CTIF: variants seen among roughly 807,000 people sequenced by gnomAD.
The protein encoded by CTIF is cap binding complex dependent translation initiation factor, also known as CBP80/20-dependent translation initiation factor.
Under a neutral mutation model 66.0 loss-of-function variants are expected in CTIF, and 21 were observed. The ratio of observed to expected loss-of-function variants is 0.32; its 90% CI spans 0.23 to 0.46. The LOEUF (loss-of-function observed/expected upper bound fraction) is 0.46, where lower values mean the gene tolerates loss of function less well. Ranked by LOEUF, CTIF falls within the 20% of genes least tolerant of loss-of-function variation. CTIF has a pLI of 1.00. For synonymous variants in CTIF, 345 were observed against 326.4 expected, an observed-to-expected ratio of 1.06 and a Z score of -0.62; for missense variants, 739 against 812.7, an observed-to-expected ratio of 0.91 and a Z score of 1.10.
chr18:48,685,269 C>A (rs1343285850), intron 6 of CTIF, among the ~76,000 whole-genome samples: 2 of 151,894 alleles, frequency 1.3e-5, no homozygotes, highest in Non-Finnish European at 1.5e-5. Flanking sequence ...GTCACCCAGG[C>A]TGGAGTGCAA....
intron 6 of CTIF, among the ~76,000 whole-genome samples, chr18:48,691,076 A>G (rs1008776211): frequency 6.6e-6 from 1 of 152,186 alleles, no homozygotes; most frequent in African/African-American, 2.4e-5. Context: ...TATTTTTATA[A>G]AGGGAATCGG....
chr18:48,769,023 C>A (rs1909851098), intron 9 of CTIF, among the ~76,000 whole-genome samples: 1 of 152,142 alleles, frequency 6.6e-6, no homozygotes, highest in Non-Finnish European at 1.5e-5. Flanking sequence ...CTCTGGAGGT[C>A]AAGGGTACCT....
At chr18:48,556,014 A>G (rs1437838710) in intron 1 of CTIF, among the ~76,000 whole-genome samples, 2 of 152,208 alleles carry the variant, frequency 1.3e-5, no homozygotes, top group Non-Finnish European at 2.9e-5. Flanking sequence ...TCAGCTCCCC[A>G]AGTCTGGGCC....
intron 9 of CTIF, among the ~76,000 whole-genome samples, chr18:48,816,578 C>T (rs1055917747): frequency 1.3e-5 from 2 of 152,208 alleles, no homozygotes; most frequent in Admixed American, 6.5e-5. Flanking sequence ...TCTCTTGTAT[C>T]ACAGTGATGA....
In CTIF at chr18:48,623,140, G is replaced by A. The variant is rs115275874; in HGVS notation, c.180+3395G>A. 1.0e-3 allele frequency among the ~76,000 whole-genome samples: 152 copies of A among 152,378 alleles called. 2 individuals are homozygous for A. The highest frequency in any genetic ancestry group is 3.5e-3 in the African/African-American group (145 of 41,592). ...GCTTGGATGCCCCCATCTGTGTGGC[G>A]GGCAAGGCAAGGCTGTGGAGGGGCT... On this transcript the variant is annotated intron_variant, in intron 2 of 11. Transcript: ENST00000256413.
intron 7 of CTIF, among the ~76,000 whole-genome samples, chr18:48,731,152 T>G (rs1356152477): frequency 6.6e-6 from 1 of 152,082 alleles, no homozygotes. Context: ...CTCTTTGATC[T>G]GGGGCTCAGA....
chr18:48,725,112 A>G (rs2145601417), intron 7 of CTIF, among the ~76,000 whole-genome samples: 1 of 152,354 alleles, frequency 6.6e-6, no homozygotes, highest in Non-Finnish European at 1.5e-5. Context: ...TGGCCACAGC[A>G]AACACGTGTT....
chr18:48,622,324 G>A (rs2090510500), intron 2 of CTIF, among the ~76,000 whole-genome samples: 1 of 152,080 alleles, frequency 6.6e-6, no homozygotes, highest in African/African-American at 2.4e-5. Flanking sequence ...TGAAATCAGA[G>A]GTGGAGGAAT....
rs185145729 is a variant in CTIF at position 48,756,003 on chromosome 18, T to C, written c.585-1916T>C. ...GGCTCAGATATCCCAGACTTGGAGC[T>C]AAAGAAACTGGAGACCCAGAAACAC... On this transcript the variant is annotated intron_variant, in intron 7 of 11. Coordinates refer to ENST00000256413, the MANE Select transcript of CTIF (RefSeq NM_014772.3). The C allele has an allele frequency of 2.6e-5, 4 of 152,270 alleles. No individual in the cohort carries two copies. In the East Asian group the frequency reaches 7.7e-4, roughly 29 times the overall value. The allele number at this position is 152,270 out of a possible 1,614,324, so 9.4% of individuals were successfully genotyped here. A position where few individuals can be genotyped will look rare whatever the true frequency, so the allele number is the denominator to read the frequency against.
chr18:48,760,704 T>C (rs1287007542), intron 8 of CTIF: 1 of 152,234 alleles, frequency 6.6e-6, no homozygotes, highest in Non-Finnish European at 1.5e-5. Context: ...TGGTCCTAGT[T>C]GCAGTGAAAT....
At chr18:48,616,124 C>T (rs2090395108) in intron 1 of CTIF, among the ~76,000 whole-genome samples, 4 of 152,330 alleles carry the variant, frequency 2.6e-5, no homozygotes, top group South Asian at 2.1e-4. Flanking sequence ...CTCCTGGAAA[C>T]GGCTCCGTGT....
intron 9 of CTIF, among the ~76,000 whole-genome samples, chr18:48,816,877 A>G (rs2068374951): frequency 6.6e-6 from 1 of 152,196 alleles, no homozygotes; most frequent in South Asian, 2.1e-4. Flanking sequence ...GTTAAGTGGA[A>G]AAGTGCTGAG....
At chr18:48,831,955 T>G (rs1046893865) in intron 10 of CTIF, among the ~76,000 whole-genome samples, 1 of 152,152 alleles carries the variant, frequency 6.6e-6, no homozygotes, top group East Asian at 1.9e-4. Flanking sequence ...GACCAGGCGG[T>G]CTGGAGGCAG....
chr18:48,804,883 C>T lies in CTIF; in HGVS notation c.1372-12338C>T, dbSNP rs181847722. 1.1e-4 allele frequency among the ~76,000 whole-genome samples: 16 copies of T among 152,300 alleles called. No homozygotes were observed. In the East Asian group the frequency reaches 3.1e-3, roughly 29 times the overall value. ...GACTCTGCCCCTCACCGTCCAGTCCCCAGCATCCAGGCCCCAGTCTCATCC... is the reference window on the plus strand; with the variant it reads ...GACTCTGCCCCTCACCGTCCAGTCCTCAGCATCCAGGCCCCAGTCTCATCC... On this transcript the variant is annotated intron_variant, in intron 9 of 11. Coordinates refer to ENST00000256413, the MANE Select transcript of CTIF (RefSeq NM_014772.3).
In CTIF at chr18:48,860,157, A is replaced by C. The variant is rs540330568; in HGVS notation, c.*598A>C. The C allele has an allele frequency of 1.9e-4, 67 of 360,996 alleles. 1 individual carries two copies. The highest frequency in any genetic ancestry group is 1.3e-3 in the South Asian group (65 of 49,704). 22.4% of individuals were successfully genotyped at this position (360,996 alleles called of 1,614,324 possible). A position where few individuals can be genotyped will look rare whatever the true frequency, so the allele number is the denominator to read the frequency against. On this transcript the variant is annotated 3_prime_UTR_variant, in exon 12 of 12. Coordinates refer to ENST00000256413, the MANE Select transcript of CTIF (RefSeq NM_014772.3). The stretch of plus-strand genomic sequence containing the variant: ...GCTGACGCTCCACCTCCCACCTCCA[A>C]GTCCTCCTCACTGCAGCCCCCACAG...
chr18:48,854,671 A>G (rs2069284979), intron 10 of CTIF, among the ~76,000 whole-genome samples: 1 of 152,070 alleles, frequency 6.6e-6, no homozygotes, highest in Admixed American at 6.5e-5. Context: ...CTATAATCTC[A>G]GTGCTTTGGG....
At chr18:48,714,362 G>A (rs1294504141) in intron 7 of CTIF, among the ~76,000 whole-genome samples, 1 of 152,186 alleles carries the variant, frequency 6.6e-6, no homozygotes, top group Admixed American at 6.5e-5. Context: ...GCCAGCATCT[G>A]TGCCATGCCT....
At chr18:48,839,046 C>T (rs1308393401) in intron 10 of CTIF, among the ~76,000 whole-genome samples, 1 of 152,228 alleles carries the variant, frequency 6.6e-6, no homozygotes, top group Non-Finnish European at 1.5e-5. Flanking sequence ...CACCACCAAC[C>T]GCCACCCTGC....
At chr18:48,601,489 T>A (rs1171794525) in intron 1 of CTIF, among the ~76,000 whole-genome samples, 6 of 152,374 alleles carry the variant, frequency 3.9e-5, no homozygotes, top group African/African-American at 1.4e-4. Context: ...TAGGGAGAGT[T>A]ATATGAGTCT....
Sources: gnomAD v4.1 joint callset for allele counts (sites outside exome capture counted in the v4.1 genomes callset) on GRCh38, gnomAD v4.1.1 for gene constraint, MANE v1.5 for transcripts, NCBI Gene and HGNC (gene_info 2026-07-23, HGNC 2026-07-21) for gene names.